The following DLG1 variants were observed in gnomAD, a reference collection of about 807,000 sequenced individuals.
DLG1 encodes disks large homolog 1.
DLG1 carries 42 observed loss-of-function variants against 123.4 expected under a neutral mutation model. The observed-to-expected ratio is 0.34, with a 90% CI of 0.27 to 0.44. The LOEUF is 0.44. Among genes scored for constraint, DLG1 ranks in the 20% least tolerant of loss-of-function variants. The pLI is 1.00. For synonymous variants in DLG1, 317 were observed against 356.2 expected, an observed-to-expected ratio of 0.89 and a Z score of 1.24; for missense variants, 942 against 1,082.6, an observed-to-expected ratio of 0.87 and a Z score of 1.82.
At chr3:197,142,929 TG>T in intron 6 of DLG1, 161 bp from the exon 7 acceptor site, 1 of 606,916 alleles carries the variant, frequency 1.6e-6, no homozygotes, top group Non-Finnish European at 2.9e-6. Flanking sequence ...TTTCAAGGAA[TG>T]GAAAAATACA....
At chr3:197,178,354 A>C (rs930407412) in intron 5 of DLG1, among the ~76,000 whole-genome samples, 7 of 152,158 alleles carry the variant, frequency 4.6e-5, no homozygotes, top group Non-Finnish European at 8.8e-5. Context: ...AAAGGAATAA[A>C]AGATAATTTT....
At chr3:197,193,640 A>G (rs1304768436) in intron 5 of DLG1, among the ~76,000 whole-genome samples, 2 of 152,230 alleles carry the variant, frequency 1.3e-5, no homozygotes, top group Non-Finnish European at 2.9e-5. Context: ...CAAGTTAAAT[A>G]TACAGTATGA....
At chr3:197,233,186 A>G (rs1744150990) in intron 4 of DLG1, among the ~76,000 whole-genome samples, 1 of 152,206 alleles carries the variant, frequency 6.6e-6, no homozygotes, top group African/African-American at 2.4e-5. Flanking sequence ...CCATGCACAA[A>G]AACATTTAAA....
At chr3:197,296,955 G>A (rs1403861038) in intron 2 of DLG1, 2 of 548,630 alleles carry the variant, frequency 3.6e-6, no homozygotes, top group South Asian at 2.2e-5. Context: ...ACATCTGTTG[G>A]GGGGGGGCTA....
chr3:197,111,858 GTAT>G (rs144620735), intron 13 of DLG1, among the ~76,000 whole-genome samples: 56 of 152,292 alleles, frequency 3.7e-4, no homozygotes, highest in African/African-American at 1.3e-3. Context: ...TTGCTGAGTA[GTAT>G]TATATTGTGT....
At chr3:197,061,241 T>C (rs143918863) in intron 22 of DLG1, among the ~76,000 whole-genome samples, 3 of 152,244 alleles carry the variant, frequency 2.0e-5, no homozygotes, top group Non-Finnish European at 4.4e-5. Context: ...ATAGACACCA[T>C]GTACCCATTA....
intron 6 of DLG1, among the ~76,000 whole-genome samples, chr3:197,147,026 T>G (rs1791122255): frequency 6.6e-6 from 1 of 152,006 alleles, no homozygotes; most frequent in African/African-American, 2.4e-5. Context: ...CGCAAATGGC[T>G]GACAAGCATA....
chr3:197,292,430 T>C (rs1441362495), intron 3 of DLG1, among the ~76,000 whole-genome samples: 1 of 152,178 alleles, frequency 6.6e-6, no homozygotes, highest in Non-Finnish European at 1.5e-5. Context: ...AAGCAGCACG[T>C]TGGTCACAAG....
At chr3:197,156,969 A>G (rs2149832455) in intron 5 of DLG1, among the ~76,000 whole-genome samples, 1 of 152,352 alleles carries the variant, frequency 6.6e-6, no homozygotes, top group African/African-American at 2.4e-5. Flanking sequence ...TAACAATAAC[A>G]GAACACACAT....
At chr3:197,045,983 T>C (rs1487708497) in intron 24 of DLG1, among the ~76,000 whole-genome samples, 6 of 152,202 alleles carry the variant, frequency 3.9e-5, no homozygotes, top group Non-Finnish European at 2.9e-5. Flanking sequence ...AGGAAGCACT[T>C]ATACATAGCT....
intron 4 of DLG1, among the ~76,000 whole-genome samples, chr3:197,265,787 C>T (rs1560074488): frequency 6.6e-6 from 1 of 152,192 alleles, no homozygotes; most frequent in African/African-American, 2.4e-5. Context: ...CGCGGTGGCT[C>T]ACACCTGTAA....
chr3:197,051,463 C>T, intron 24 of DLG1, 114 bp downstream of exon 24: 1 of 762,334 alleles, frequency 1.3e-6, no homozygotes, highest in Middle Eastern at 2.4e-4. Context: ...CTGGATGATA[C>T]TAGTTACTAC....
intron 24 of DLG1, among the ~76,000 whole-genome samples, chr3:197,047,583 T>G (rs1382016000): frequency 6.6e-6 from 1 of 150,922 alleles, no homozygotes; most frequent in African/African-American, 2.4e-5. Flanking sequence ...TATTGGGGAG[T>G]TGCTACCTAC....
chr3:197,278,282 CAAAAAAAAAAAAAAAAAA>C (rs71164203), intron 4 of DLG1, among the ~76,000 whole-genome samples: 5 of 37,492 alleles, frequency 1.3e-4, no homozygotes, highest in Non-Finnish European at 1.8e-4. Flanking sequence ...GACTCTGTCC[CAAAAAAAAAAAAAAAAAA>C]AAAAAAAAAA....
rs1191537594 is a variant in DLG1, at chr3:197,065,720, A to T, written c.2188T>A (p.Ser730Thr). The T allele has an allele frequency of 1.9e-6, 3 of 1,608,434 alleles. No individual in the cohort carries two copies. The highest frequency in any genetic ancestry group is 1.7e-6 in the Non-Finnish European group (2 of 1,175,720). Residue 730 changes from serine (S) to threonine (T), a missense_variant, in exon 21 of 25, where the codon TCC (serine) becomes ACC (threonine). Transcript: ENST00000667157. ...TTGGTTTACTTACGAGGAACACAGGATCCAAATTTGTCAGGAAATTCTGAG... is the reference window on the plus strand; with the variant it reads ...TTGGTTTACTTACGAGGAACACAGGTTCCAAATTTGTCAGGAAATTCTGAG... The part of the protein sequence containing the change: ...LISEFPDKFG[S>T]CVPHTTRPKR...
intron 4 of DLG1, among the ~76,000 whole-genome samples, chr3:197,238,523 GAAC>G (rs548311707): frequency 9.1e-4 from 139 of 152,250 alleles, no homozygotes; most frequent in African/African-American, 2.9e-3. Context: ...GACTCAATGT[GAAC>G]AACAGAGGAA....
intron 23 of DLG1, among the ~76,000 whole-genome samples, chr3:197,054,375 A>G (rs138493336): frequency 1.2e-3 from 189 of 152,180 alleles, no homozygotes; most frequent in African/African-American, 4.3e-3. Context: ...GTGTACGTTG[A>G]CTGCTTGATG....
intron 6 of DLG1, among the ~76,000 whole-genome samples, chr3:197,145,817 C>A (rs1790448652): frequency 6.6e-6 from 1 of 151,246 alleles, no homozygotes; most frequent in Non-Finnish European, 1.5e-5. Context: ...CAAAAATTAG[C>A]CAGGTGTGGT....
intron 3 of DLG1, among the ~76,000 whole-genome samples, chr3:197,294,166 GA>G (rs1483457317): frequency 6.6e-6 from 1 of 151,978 alleles, no homozygotes; most frequent in Non-Finnish European, 1.5e-5. Flanking sequence ...TTATAGCATG[GA>G]AACACACAGA....
Sources: allele counts gnomAD v4.1 joint callset (sites outside exome capture counted in the v4.1 genomes callset), GRCh38; gene constraint gnomAD v4.1.1; transcripts MANE v1.5; gene names NCBI Gene and HGNC (gene_info 2026-07-23, HGNC 2026-07-21).